CDH18: variants seen among roughly 807,000 people sequenced by gnomAD.
CDH18 encodes cadherin 18, also known as cadherin-18.
A neutral mutation model predicts 67.9 loss-of-function variants in CDH18; 31 were observed. That is an observed-to-expected ratio of 0.46 (90% CI 0.34 to 0.62). The LOEUF (loss-of-function observed/expected upper bound fraction) is 0.62. Ranked by LOEUF, CDH18 falls within the 20% of genes least tolerant of loss-of-function variation. The pLI is 0.01. For synonymous variants in CDH18, 362 were observed against 347.2 expected (o/e 1.04, Z -0.48); for missense variants, 890 against 975.5 (o/e 0.91, Z 1.17).
chr5:20,371,519 G>T (rs1580849784), intron 1 of CDH18, among the ~76,000 whole-genome samples: 1 of 152,162 alleles, frequency 6.6e-6, no homozygotes, highest in East Asian at 1.9e-4. Flanking sequence ...CTTGATCAGA[G>T]TAGCACATTT....
intron 10 of CDH18, among the ~76,000 whole-genome samples, chr5:19,507,853 T>A (rs1228694780): frequency 6.6e-6 from 1 of 152,026 alleles, no homozygotes; most frequent in Non-Finnish European, 1.5e-5. Flanking sequence ...CATGTATACA[T>A]ATGTAACCAA....
chr5:19,851,710 A>C (rs2149928589), intron 2 of CDH18, among the ~76,000 whole-genome samples: 1 of 151,910 alleles, frequency 6.6e-6, no homozygotes, highest in East Asian at 1.9e-4. Context: ...AAAATAATTT[A>C]ATATTCAATA....
chr5:19,667,627 T>C (rs1758155165), intron 5 of CDH18, among the ~76,000 whole-genome samples: 1 of 138,454 alleles, frequency 7.2e-6, no homozygotes, highest in Admixed American at 8.1e-5. Context: ...TATAACTGAT[T>C]ATATATATAT....
At chr5:19,805,056 C>T (rs1488511175) in intron 3 of CDH18, among the ~76,000 whole-genome samples, 2 of 151,878 alleles carry the variant, frequency 1.3e-5, no homozygotes, top group African/African-American at 4.8e-5. Flanking sequence ...AAATGATCCT[C>T]CCACCTCAGC....
In CDH18 at chr5:20,198,736, G is replaced by A. The variant is rs553100857; in HGVS notation, c.-518+56708C>T. 2.9e-4 allele frequency among the ~76,000 whole-genome samples: 44 copies of A among 152,250 alleles called. No individual in the cohort carries two copies. In the South Asian group the frequency reaches 8.5e-3, roughly 30 times the overall value. On this transcript the variant is annotated intron_variant, in intron 2 of 14. Transcript: ENST00000507958. ...TTTGGAGCACCCCCACCCATGACAG[G>A]CCTGGAGTCTTAAGAGGAAAAAGTG...
At chr5:19,498,385 G>A (rs936880673) in intron 11 of CDH18, among the ~76,000 whole-genome samples, 1 of 152,092 alleles carries the variant, frequency 6.6e-6, no homozygotes, top group Non-Finnish European at 1.5e-5. Flanking sequence ...CTGAGGAGAA[G>A]AATTGAAGAT....
chr5:20,270,991 G>A (rs1482674396), intron 1 of CDH18, among the ~76,000 whole-genome samples: 2 of 152,068 alleles, frequency 1.3e-5, no homozygotes, highest in African/African-American at 2.4e-5. Context: ...TGAGGGCATA[G>A]GGTGGGACGG....
At chr5:20,161,164 T>A (rs938325183) in intron 2 of CDH18, among the ~76,000 whole-genome samples, 1 of 152,198 alleles carries the variant, frequency 6.6e-6, no homozygotes, top group Non-Finnish European at 1.5e-5. Flanking sequence ...TTAATTTTTG[T>A]GATTCTTTTT....
intron 6 of CDH18, among the ~76,000 whole-genome samples, chr5:19,606,050 GT>G (rs1031650445): frequency 9.2e-5 from 14 of 152,032 alleles, no homozygotes; most frequent in Admixed American, 2.6e-4. Context: ...TTACTGGAGA[GT>G]CAGAAATTGG....
At chr5:20,451,369 A>G (rs1477667173) in intron 1 of CDH18, among the ~76,000 whole-genome samples, 2 of 152,166 alleles carry the variant, frequency 1.3e-5, no homozygotes, top group Admixed American at 1.3e-4. Flanking sequence ...AATGCATTAT[A>G]AATGAATTGA....
intron 2 of CDH18, among the ~76,000 whole-genome samples, chr5:20,039,988 A>G (rs556619228): frequency 9.3e-4 from 141 of 152,288 alleles, no homozygotes; most frequent in African/African-American, 3.2e-3. Context: ...AAGGAACTTC[A>G]ACAAATTTAC....
chr5:20,063,437 T>A (rs1742683822), intron 2 of CDH18, among the ~76,000 whole-genome samples: 1 of 152,084 alleles, frequency 6.6e-6, no homozygotes, highest in African/African-American at 2.4e-5. Flanking sequence ...TTTATGTGCA[T>A]CCCCATTTAT....
intron 1 of CDH18, among the ~76,000 whole-genome samples, chr5:20,389,397 T>C (rs546077672): frequency 6.6e-6 from 1 of 152,260 alleles, no homozygotes; most frequent in African/African-American, 2.4e-5. Flanking sequence ...TTGTTTTCCA[T>C]TTGCTTGGTA....
At chr5:20,405,174 C>T (rs546226950) in intron 1 of CDH18, among the ~76,000 whole-genome samples, 14 of 152,120 alleles carry the variant, frequency 9.2e-5, no homozygotes, top group Non-Finnish European at 1.8e-4. Context: ...TCACGCTACC[C>T]CACTTCAAAC....
chr5:20,465,448 T>C (rs1318364584), intron 1 of CDH18, among the ~76,000 whole-genome samples: 1 of 152,078 alleles, frequency 6.6e-6, no homozygotes, highest in African/African-American at 2.4e-5. Flanking sequence ...TCCAGGATAT[T>C]ACATATTTTT....
intron 1 of CDH18, among the ~76,000 whole-genome samples, chr5:20,447,156 C>T (rs917423235): frequency 6.6e-6 from 1 of 152,178 alleles, no homozygotes; most frequent in African/African-American, 2.4e-5. Context: ...TAAATCCTTA[C>T]TTCCTCTCTC....
intron 1 of CDH18, among the ~76,000 whole-genome samples, chr5:20,564,063 T>C (rs188807589): frequency 2.0e-5 from 3 of 152,088 alleles, no homozygotes; most frequent in African/African-American, 7.2e-5. Context: ...CAAAGACTTA[T>C]TCACAACATC....
chr5:19,624,012 T>TATC (rs1751111345), intron 5 of CDH18, among the ~76,000 whole-genome samples: 1 of 148,166 alleles, frequency 6.7e-6, no homozygotes, highest in Non-Finnish European at 1.5e-5. Context: ...TTATTATTAT[T>TATC]ATTATTATTA....
intron 1 of CDH18, among the ~76,000 whole-genome samples, chr5:20,356,778 C>A (rs1400780386): frequency 2.0e-5 from 3 of 147,964 alleles, no homozygotes; most frequent in African/African-American, 7.5e-5. Context: ...TATACACATG[C>A]ACACACACAT....
Sources: allele counts gnomAD v4.1 joint callset (sites outside exome capture counted in the v4.1 genomes callset), GRCh38; gene constraint gnomAD v4.1.1; transcripts MANE v1.5; gene names NCBI Gene and HGNC (gene_info 2026-07-23, HGNC 2026-07-21).